Variants in BTBD9 observed in about 807,000 individuals in gnomAD.
The protein encoded by BTBD9 is BTB/POZ domain-containing protein 9.
BTBD9 carries 49 observed loss-of-function variants against 64.3 expected under a neutral mutation model. The observed-to-expected ratio is 0.76, with a 90% CI of 0.61 to 0.97. BTBD9 has a LOEUF of 0.97. Among genes scored for constraint, BTBD9 ranks in the 50% least tolerant of loss-of-function variants. The probability of loss-of-function intolerance (pLI) is 0.00; values close to 1 mark genes in which losing one functional copy is unlikely to be tolerated. For missense variants in BTBD9, 598 were observed against 762.1 expected (o/e 0.78, Z 2.53); for synonymous variants, 260 against 274.7 (o/e 0.95, Z 0.53).
At chr6:38,576,234 C>T (rs1776027592) in intron 6 of BTBD9, among the ~76,000 whole-genome samples, 1 of 152,142 alleles carries the variant, frequency 6.6e-6, no homozygotes. Flanking sequence ...GGGGGTCCCT[C>T]TGTCACTCTG....
intron 8 of BTBD9, among the ~76,000 whole-genome samples, chr6:38,262,560 G>A (rs1217890912): frequency 6.6e-6 from 1 of 151,762 alleles, no homozygotes; most frequent in Non-Finnish European, 1.5e-5. Context: ...GATTACCAGG[G>A]GTTCAGTTTA....
In BTBD9 at chr6:38,630,973, C is replaced by G. The variant is rs148667095; in HGVS notation, c.-28+8827G>C. Among the ~76,000 whole-genome samples, 11 of 152,286 alleles carry G rather than the reference C, an allele frequency of 7.2e-5. No individual in the cohort carries two copies. In the East Asian group the frequency reaches 2.1e-3, roughly 29 times the overall value. ...TGCCTTCAGACAGTGGTTGAGGAAG[C>G]ATTTTTCTTCTAAAAGTTTGGAAAG... On this transcript the variant is annotated intron_variant, in intron 1 of 10. Coordinates refer to ENST00000481247, the MANE Select transcript of BTBD9 (RefSeq NM_001099272.2).
intron 1 of BTBD9, among the ~76,000 whole-genome samples, chr6:38,626,402 TATTC>T (rs1778169863): frequency 1.3e-5 from 2 of 152,194 alleles, no homozygotes; most frequent in South Asian, 4.1e-4. Flanking sequence ...TACTAAGTCT[TATTC>T]ATTCTTTTTT....
intron 9 of BTBD9, among the ~76,000 whole-genome samples, chr6:38,236,591 A>G (rs1030021726): frequency 3.3e-5 from 5 of 152,228 alleles, no homozygotes; most frequent in African/African-American, 1.2e-4. Flanking sequence ...CAAGAACTAT[A>G]AATCCTAATT....
chr6:38,597,449 G>A (rs189143408), intron 2 of BTBD9, among the ~76,000 whole-genome samples: 357 of 152,288 alleles, frequency 2.3e-3, no homozygotes, highest in Non-Finnish European at 3.4e-3. Flanking sequence ...AAGGACCCAA[G>A]TAACCAACAA....
At chr6:38,183,722 ACTCT>A (rs1761685704) in intron 10 of BTBD9, among the ~76,000 whole-genome samples, 1 of 152,016 alleles carries the variant, frequency 6.6e-6, no homozygotes, top group African/African-American at 2.4e-5. Context: ...ATGCTTCCAG[ACTCT>A]CTCATAACCA....
At chr6:38,616,955 TG>T (rs1777812257) in intron 1 of BTBD9, among the ~76,000 whole-genome samples, 1 of 152,118 alleles carries the variant, frequency 6.6e-6, no homozygotes, top group Non-Finnish European at 1.5e-5. Context: ...GGACACATCT[TG>T]GGGACTTGTC....
At chr6:38,572,303 G>A (rs1775805627) in intron 6 of BTBD9, among the ~76,000 whole-genome samples, 1 of 152,120 alleles carries the variant, frequency 6.6e-6, no homozygotes, top group Non-Finnish European at 1.5e-5. Context: ...TTTGTTGAAT[G>A]GGTGAGTGAC....
intron 6 of BTBD9, among the ~76,000 whole-genome samples, chr6:38,445,295 T>C (rs1276290993): frequency 6.6e-6 from 1 of 152,202 alleles, no homozygotes; most frequent in Non-Finnish European, 1.5e-5. Context: ...ACTTTCTTAA[T>C]CAATCCATAG....
intron 6 of BTBD9, among the ~76,000 whole-genome samples, chr6:38,354,919 G>GAGAGAGACAGAGATAA (rs754914866): frequency 1.3e-5 from 2 of 148,472 alleles, no homozygotes; most frequent in Non-Finnish European, 3.0e-5. Flanking sequence ...CAGAGAGAAA[G>GAGAGAGACAGAGATAA]AGAGAGAGAG....
intron 9 of BTBD9, among the ~76,000 whole-genome samples, chr6:38,248,174 A>T (rs960469552): frequency 3.9e-5 from 6 of 152,128 alleles, no homozygotes; most frequent in South Asian, 4.1e-4. Context: ...TTAAGTTATT[A>T]AAAAAACTCT....
chr6:38,499,031 G>C (rs954287980), intron 6 of BTBD9, among the ~76,000 whole-genome samples: 2 of 152,112 alleles, frequency 1.3e-5, no homozygotes, highest in Non-Finnish European at 1.5e-5. Flanking sequence ...GCAACTGCGA[G>C]AGGTTCATCT....
intron 7 of BTBD9, among the ~76,000 whole-genome samples, chr6:38,328,427 T>A (rs1019379398): frequency 1.3e-5 from 2 of 152,048 alleles, no homozygotes; most frequent in African/African-American, 2.4e-5. Flanking sequence ...TATGTGAGGG[T>A]ATAGCGAGAA....
At chr6:38,407,499 A>C (rs1306509189) in intron 6 of BTBD9, among the ~76,000 whole-genome samples, 4 of 152,118 alleles carry the variant, frequency 2.6e-5, no homozygotes, top group Non-Finnish European at 5.9e-5. Context: ...GACCAGCCAC[A>C]GTTCTTCCTG....
chr6:38,520,025 A>C (rs1483157500), intron 6 of BTBD9, among the ~76,000 whole-genome samples: 1 of 152,222 alleles, frequency 6.6e-6, no homozygotes, highest in African/African-American at 2.4e-5. Context: ...TAAAATATTA[A>C]ATGAAAATCT....
chr6:38,638,160 T>C (rs1778592842), intron 1 of BTBD9, among the ~76,000 whole-genome samples: 1 of 152,220 alleles, frequency 6.6e-6, no homozygotes, highest in South Asian at 2.1e-4. Flanking sequence ...AAGAGTTCCC[T>C]AACTCAGCCT....
At chr6:38,421,991 CTAA>C (rs1767924408) in intron 6 of BTBD9, among the ~76,000 whole-genome samples, 1 of 152,182 alleles carries the variant, frequency 6.6e-6, no homozygotes, top group South Asian at 2.1e-4. Context: ...TTTAGGATAA[CTAA>C]TTAAAAACAG....
intron 6 of BTBD9, among the ~76,000 whole-genome samples, chr6:38,567,560 G>A (rs555430700): frequency 2.6e-5 from 4 of 152,232 alleles, no homozygotes; most frequent in Admixed American, 6.5e-5. Flanking sequence ...CCAAGTGTTC[G>A]TGCTACCACC....
At chr6:38,389,018 A>G (rs553868687) in intron 6 of BTBD9, among the ~76,000 whole-genome samples, 18 of 152,218 alleles carry the variant, frequency 1.2e-4, no homozygotes, top group Non-Finnish European at 2.5e-4. Flanking sequence ...TTTTAGCTCT[A>G]TGTAATGTAC....
Sources: allele counts gnomAD v4.1 joint callset (sites outside exome capture counted in the v4.1 genomes callset), GRCh38; gene constraint gnomAD v4.1.1; transcripts MANE v1.5; gene names NCBI Gene and HGNC (gene_info 2026-07-23, HGNC 2026-07-21).